The following HS3ST4 variants were observed in gnomAD, a reference collection of about 807,000 sequenced individuals.
HS3ST4 encodes heparan sulfate-glucosamine 3-sulfotransferase 4, also known as heparan sulfate glucosamine 3-O-sulfotransferase 4.
A neutral mutation model predicts 29.2 loss-of-function variants in HS3ST4; 17 were observed. The ratio of observed to expected loss-of-function variants is 0.58; its 90% CI spans 0.40 to 0.87. The LOEUF (loss-of-function observed/expected upper bound fraction) is 0.87. HS3ST4 is among the 40% of genes least tolerant of loss of function. HS3ST4 has a pLI of 0.00. For synonymous variants in HS3ST4, 314 were observed against 285.7 expected (o/e 1.10, Z -1.00); for missense variants, 627 against 634.5 (o/e 0.99, Z 0.13).
chr16:25,716,983 GGTGGAGGTCACA>G (rs1966458646), intron 1 of HS3ST4, among the ~76,000 whole-genome samples: 1 of 152,066 alleles, frequency 6.6e-6, no homozygotes, highest in African/African-American at 2.4e-5. Flanking sequence ...GAACCTGGGA[GGTGGAGGTCACA>G]GTGAGCCGAG....
chr16:25,965,867 CAG>C (rs1968837493), intron 1 of HS3ST4, among the ~76,000 whole-genome samples: 1 of 152,124 alleles, frequency 6.6e-6, no homozygotes. Context: ...TTTTTGGAGA[CAG>C]GGAATTGCTG....
chr16:26,023,290 A>G (rs936497676), intron 1 of HS3ST4, among the ~76,000 whole-genome samples: 1 of 151,678 alleles, frequency 6.6e-6, no homozygotes, highest in African/African-American at 2.4e-5. Flanking sequence ...ACATAAATAT[A>G]TGTTTTATAT....
At chr16:25,984,298 C>T (rs1969039413) in intron 1 of HS3ST4, among the ~76,000 whole-genome samples, 1 of 152,164 alleles carries the variant, frequency 6.6e-6, no homozygotes, top group Admixed American at 6.5e-5. Flanking sequence ...TGAAACTGTT[C>T]TACCTCAGAT....
At position 26,030,365 on chromosome 16, in the gene HS3ST4, C is replaced by T. The variant is rs556862058; in HGVS notation, c.735-105247C>T. Among the ~76,000 whole-genome samples the T allele has an allele frequency of 3.3e-5, 5 of 152,208 alleles. No homozygotes were observed. The East Asian group carries it at 5.8e-4, about 18-fold the overall frequency. On this transcript the variant is annotated intron_variant, in intron 1 of 1. Transcript: ENST00000331351. ...AGGCTGCAGTGAGCTATGATTGTGC[C>T]GTTGCACTCTAGCCTAGGCACCGGG...
chr16:26,023,478 C>T (rs1424770422), intron 1 of HS3ST4, among the ~76,000 whole-genome samples: 1 of 152,008 alleles, frequency 6.6e-6, no homozygotes, highest in Non-Finnish European at 1.5e-5. Context: ...TAGCCCACTG[C>T]AACCTCAAAC....
chr16:25,809,088 T>C (rs1250332822), intron 1 of HS3ST4, among the ~76,000 whole-genome samples: 3 of 152,144 alleles, frequency 2.0e-5, no homozygotes, highest in Admixed American at 2.0e-4. Flanking sequence ...CTTTTCTTTC[T>C]TTTCCTTCCC....
At chr16:26,102,137 G>T (rs1898997539) in intron 1 of HS3ST4, among the ~76,000 whole-genome samples, 1 of 152,032 alleles carries the variant, frequency 6.6e-6, no homozygotes, top group Admixed American at 6.6e-5. Flanking sequence ...TACAGAAAGT[G>T]GTTCATTTGA....
chr16:25,798,191 C>T lies in HS3ST4; in HGVS notation c.734+105040C>T, dbSNP rs932256003. Among the ~76,000 whole-genome samples, 12 of 152,114 alleles carry T rather than the reference C, an allele frequency of 7.9e-5. No individual in the cohort carries two copies. The East Asian group carries it at 9.6e-4, about 12-fold the overall frequency. On this transcript the variant is annotated intron_variant, in intron 1 of 1. Transcript: ENST00000331351. ...TATCTCTAAGAGTGCAGAGAATTGCCGCAGAGCTTCTAGAAGGAAGTGATT... is the reference window on the plus strand; with the variant it reads ...TATCTCTAAGAGTGCAGAGAATTGCTGCAGAGCTTCTAGAAGGAAGTGATT...
chr16:25,784,175 C>T (rs919705677), intron 1 of HS3ST4, among the ~76,000 whole-genome samples: 4 of 152,154 alleles, frequency 2.6e-5, no homozygotes, highest in Non-Finnish European at 4.4e-5. Flanking sequence ...ATTGGTGTGT[C>T]CTGACTGCTC....
chr16:25,872,321 C>T (rs375288032), intron 1 of HS3ST4, among the ~76,000 whole-genome samples: 2 of 152,204 alleles, frequency 1.3e-5, no homozygotes, highest in Non-Finnish European at 2.9e-5. Flanking sequence ...TGTGGCTACT[C>T]GTGATTCTCT....
intron 1 of HS3ST4, among the ~76,000 whole-genome samples, chr16:25,999,720 TC>T (rs1340876030): frequency 1.4e-5 from 2 of 145,436 alleles, no homozygotes; most frequent in Non-Finnish European, 3.0e-5. Flanking sequence ...CATTGTACTT[TC>T]TATTTAAAGT....
At chr16:25,714,931 A>T (rs1290994705) in intron 1 of HS3ST4, among the ~76,000 whole-genome samples, 1 of 152,228 alleles carries the variant, frequency 6.6e-6, no homozygotes, top group East Asian at 1.9e-4. Context: ...AAAATTCTGG[A>T]TGCCTTTTGA....
chr16:25,832,473 T>G (rs1028390550), intron 1 of HS3ST4, among the ~76,000 whole-genome samples: 3 of 152,226 alleles, frequency 2.0e-5, no homozygotes, highest in Non-Finnish European at 4.4e-5. Context: ...AATTTTTCCC[T>G]GTAGTTTTGC....
chr16:26,043,156 C>T (rs970527213), intron 1 of HS3ST4, among the ~76,000 whole-genome samples: 5 of 152,104 alleles, frequency 3.3e-5, no homozygotes, highest in African/African-American at 4.8e-5. Context: ...TGTAATTAGA[C>T]ATTGAAACTG....
Position 26,136,392 on chromosome 16 carries a change from G to A in HS3ST4, c.*144G>A. 1 of 793,144 alleles carries A rather than the reference G, an allele frequency of 1.3e-6. No homozygotes were observed. Among genetic ancestry groups the A allele is most frequent in the Non-Finnish European group, 1.9e-6 (1 of 512,942 alleles). The allele number at this position is 793,144 out of a possible 1,614,324, so 49.1% of individuals were successfully genotyped here. On this transcript the variant is annotated 3_prime_UTR_variant, in exon 2 of 2. Transcript: ENST00000331351. ...TCATGCAGCCAGGATTGCCTCCAGT[G>A]CTGTTAGCTTAGGCAAACAGGTGGA...
chr16:25,917,257 G>A (rs1269058976), intron 1 of HS3ST4, among the ~76,000 whole-genome samples: 1 of 152,014 alleles, frequency 6.6e-6, no homozygotes, highest in Non-Finnish European at 1.5e-5. Context: ...CTGTCACCCA[G>A]GCCGGAGTGC....
Position 25,831,396 on chromosome 16 carries a change from TACACACACAC to T in HS3ST4, c.734+138283_734+138292del, listed in dbSNP as rs58851793. ...GGGCAACATAATGAGACCCCGTCTC[TACACACACAC>T]ACACACACACACACACACACACACA... is the stretch of plus-strand genomic sequence containing the variant. On this transcript the variant is annotated intron_variant, in intron 1 of 1. Coordinates refer to ENST00000331351, the MANE Select transcript of HS3ST4 (RefSeq NM_006040.3). Among the ~76,000 whole-genome samples the T allele has an allele frequency of 2.7e-3, 342 of 126,126 alleles. 1 individual carries two copies. Among genetic ancestry groups the T allele is most frequent in the Admixed American group, 5.4e-3 (65 of 12,050 alleles). The allele number at this position is 126,126 out of a possible 152,430, so 82.7% of individuals were successfully genotyped here. A position where few individuals can be genotyped will look rare whatever the true frequency, so the allele number is the denominator to read the frequency against.
intron 1 of HS3ST4, among the ~76,000 whole-genome samples, chr16:25,965,080 G>C (rs1208119579): frequency 6.6e-6 from 1 of 152,112 alleles, no homozygotes; most frequent in Non-Finnish European, 1.5e-5. Context: ...GATAAAAAAG[G>C]GTGATGAGTT....
intron 1 of HS3ST4, among the ~76,000 whole-genome samples, chr16:25,722,352 G>A (rs1966503201): frequency 6.6e-6 from 1 of 152,190 alleles, no homozygotes; most frequent in African/African-American, 2.4e-5. Context: ...TCTACCAAAG[G>A]TAGATATATG....
Sources: allele counts gnomAD v4.1 joint callset (sites outside exome capture counted in the v4.1 genomes callset), GRCh38; gene constraint gnomAD v4.1.1; transcripts MANE v1.5; gene names NCBI Gene and HGNC (gene_info 2026-07-23, HGNC 2026-07-21).